SLC16A3: variants seen among roughly 807,000 people sequenced by gnomAD.
SLC16A3 encodes the protein solute carrier family 16 member 3, also known as monocarboxylate transporter 4.
A neutral mutation model predicts 25.0 loss-of-function variants in SLC16A3; 22 were observed. The observed-to-expected ratio is 0.88, with a 90% confidence interval of 0.63 to 1.26. SLC16A3 has a LOEUF of 1.26. SLC16A3 is among the 50% of genes most tolerant of loss of function. The pLI is 0.00. For missense variants in SLC16A3, 731 were observed against 666.6 expected (o/e 1.10, Z -1.06); for synonymous variants, 390 against 309.2 (o/e 1.26, Z -2.74).
In SLC16A3 at chr17:82,237,503, C is replaced by T; in HGVS notation, c.733C>T (p.Pro245Ser). ...ASVMVLGLFVPPVFVVSYAKD... is the reference protein window; with the variant it reads ...ASVMVLGLFVSPVFVVSYAKD... ...GGTCATGGTGCTGGGGCTCTTCGTC[C>T]CGCCCGTGTTCGTGGTGAGCTACGC... The change falls in exon 4 of 5, where the codon CCG becomes TCG. Residue 245 changes from proline to serine, a missense_variant. Pro to Ser is a moderately conservative substitution (Grantham distance 74). Transcript: ENST00000582743. The T allele has an allele frequency of 6.2e-7, 1 of 1,611,442 alleles. No individual in the cohort carries two copies. The highest frequency in any genetic ancestry group is 8.5e-7 in the Non-Finnish European group (1 of 1,179,606).
chr17:82,233,275 T>C (rs2050529638), intron 1 of SLC16A3, among the ~76,000 whole-genome samples: 1 of 152,180 alleles, frequency 6.6e-6, no homozygotes, highest in South Asian at 2.1e-4. Context: ...GGACAGACGA[T>C]GGTGCCAGGT....
upstream of SLC16A3, among the ~76,000 whole-genome samples, chr17:82,224,370 G>A (rs1299250231): frequency 1.7e-5 from 2 of 114,688 alleles, no homozygotes; most frequent in Non-Finnish European, 3.5e-5. Context: ...CCCTACACCC[G>A]TGCAGTCACC....
chr17:82,224,143 T>C (rs1221050820), upstream of SLC16A3, among the ~76,000 whole-genome samples: 1 of 100,092 alleles, frequency 1.0e-5, no homozygotes, highest in East Asian at 2.9e-4. Context: ...CACAGACACC[T>C]GTGCAGACAC....
rs2050594241 is a variant in SLC16A3, at chr17:82,236,109, TCTC to T, written c.104_106del (p.Ser35del). 6.2e-7 allele frequency: 1 copy of T among 1,613,154 alleles called. No individual in the cohort carries two copies. The highest frequency in any genetic ancestry group is 8.5e-7 in the Non-Finnish European group (1 of 1,179,950). Reference sequence around the variant, plus strand: ...TTCGGCTGTTTCGTCATCACTGGCTTCTCCTACGCCTTCCCCAAGGCCGTCAGT... The same window carrying T: ...TTCGGCTGTTTCGTCATCACTGGCTTCTACGCCTTCCCCAAGGCCGTCAGT... On this transcript the variant is annotated inframe_deletion, in exon 2 of 5. Coordinates refer to ENST00000582743, the MANE Select transcript of SLC16A3 (RefSeq NM_004207.4).
At chr17:82,231,568 C>T (rs1599553693) in intron 1 of SLC16A3, 1 of 152,436 alleles carries the variant, frequency 6.6e-6, no homozygotes, top group East Asian at 1.9e-4. Context: ...AGCTCCGGCC[C>T]CCACCACCTC....
At chr17:82,221,459 T>C (rs2050388421) in intron 1 of SLC16A3, among the ~76,000 whole-genome samples, 1 of 151,734 alleles carries the variant, frequency 6.6e-6, no homozygotes, top group Admixed American at 6.6e-5. Flanking sequence ...CCCAGCTACT[T>C]GGGAGGCTGA....
In SLC16A3 at chr17:82,239,080, C is replaced by G. The variant is rs1355381098; in HGVS notation, c.*104C>G. 8.6e-7 allele frequency: 1 copy of G among 1,159,622 alleles called. No individual in the cohort carries two copies. Among genetic ancestry groups the G allele is most frequent in the African/African-American group, 1.5e-5 (1 of 64,580 alleles). The allele number at this position is 1,159,622 out of a possible 1,614,324, so 71.8% of individuals were successfully genotyped here. ...TGGCTCAGGCAGGGCCACGGCTGGG[C>G]TCCAGCTGCCGGCCCAGCGGATCGT... On this transcript the variant is annotated 3_prime_UTR_variant, in exon 5 of 5. Transcript: ENST00000582743.
rs2050590484 is a variant in SLC16A3 at position 82,236,012 on chromosome 17, G to T, written c.4G>T (p.Gly2Ter). The T allele has an allele frequency of 6.2e-7, 1 of 1,610,964 alleles. No individual in the cohort carries two copies. Among genetic ancestry groups the T allele is most frequent in the Non-Finnish European group, 8.5e-7 (1 of 1,179,384 alleles). M[G>*]GAVVDEGPTG... ...GGCGGAACCAACCCTCCTGGCCATG[G>T]GAGGGGCCGTGGTGGACGAGGGCCC... is the stretch of plus-strand genomic sequence containing the variant. Residue 2 changes from glycine (G) to a stop codon, truncating the protein, a stop_gained, in exon 2 of 5, where the codon GGA (glycine) becomes TGA (stop). Transcript: ENST00000582743. LOFTEE classifies it high-confidence loss of function.
chr17:82,223,129 T>C (rs1431934470), intron 1 of SLC16A3, among the ~76,000 whole-genome samples: 1 of 152,232 alleles, frequency 6.6e-6, no homozygotes, highest in Non-Finnish European at 1.5e-5. Flanking sequence ...GCTGCTGAGC[T>C]GCCCTCTACC....
chr17:82,237,004 C>A, intron 3 of SLC16A3, 132 bp downstream of exon 3: 1 of 1,462,828 alleles, frequency 6.8e-7, no homozygotes, highest in Non-Finnish European at 9.2e-7. Flanking sequence ...CCTCGTTGTC[C>A]CCCTCTCGAG....
chr17:82,223,295 G>T (rs1360234086), intron 1 of SLC16A3, among the ~76,000 whole-genome samples: 2 of 152,088 alleles, frequency 1.3e-5, no homozygotes, highest in African/African-American at 4.8e-5. Flanking sequence ...CAATTTTCCT[G>T]CCTCAGTCTC....
rs1020499587 is a variant in SLC16A3, at chr17:82,238,797, T to C, written c.1219T>C (p.Phe407Leu). The C allele has an allele frequency of 2.5e-6, 4 of 1,612,578 alleles. No homozygotes were observed. In the Admixed American group the frequency reaches 6.7e-5, roughly 27 times the overall value. ...CTCCCTGATTTTGCTGCTGGGCAAC[T>C]TCTTCTGCATTAGGAAGAAGCCCAA... is the stretch of plus-strand genomic sequence containing the variant. ...TSSLILLLGN[F>L]FCIRKKPKEP... Residue 407 changes from phenylalanine (F) to leucine (L), a missense_variant, in exon 5 of 5, where the codon TTC becomes CTC. By Grantham distance (22) the Phe-to-Leu change is conservative (BLOSUM62 0). Coordinates refer to ENST00000582743, the MANE Select transcript of SLC16A3 (RefSeq NM_004207.4).
Position 82,238,689 on chromosome 17 carries a change from G to C in SLC16A3, c.1124-13G>C, listed in dbSNP as rs929753815. 8.7e-6 allele frequency: 14 copies of C among 1,602,900 alleles called. No homozygotes were observed. Among genetic ancestry groups the C allele is most frequent in the East Asian group, 2.2e-5 (1 of 44,596 alleles). On this transcript the variant is annotated splice_polypyrimidine_tract_variant and intron_variant, in intron 4 of 4. Coordinates refer to ENST00000582743, the MANE Select transcript of SLC16A3 (RefSeq NM_004207.4). ...CCGCATGAGCGGCTGGGACTGACGG[G>C]GTCTTCCCGCAGGCAAACTCCTGGA... is the stretch of plus-strand genomic sequence containing the variant.
chr17:82,230,349 A>G (rs2050474387), intron 1 of SLC16A3: 1 of 152,328 alleles, frequency 6.6e-6, no homozygotes, highest in Non-Finnish European at 1.5e-5. Flanking sequence ...TGGTGTGGAC[A>G]GAGTCTGGGG....
chr17:82,227,655 G>GCGCGGGAGCACCACCCGCCCTGGC (rs1231490184), upstream of SLC16A3, among the ~76,000 whole-genome samples: 4 of 23,068 alleles, frequency 1.7e-4, no homozygotes, highest in African/African-American at 3.6e-4. Context: ...ACCTGCCCTG[G>GCGCGGGAGCACCACCCGCCCTGGC]GCGGGAGCAC....
chr17:82,238,236 G>T (rs945262687), intron 4 of SLC16A3, among the ~76,000 whole-genome samples: 7 of 152,228 alleles, frequency 4.6e-5, no homozygotes, highest in South Asian at 2.1e-4. Flanking sequence ...TTTGAAGGAT[G>T]ACTGAGCTAA....
intron 1 of SLC16A3, among the ~76,000 whole-genome samples, chr17:82,219,803 C>T (rs1387803823): frequency 6.6e-6 from 1 of 152,146 alleles, no homozygotes; most frequent in Non-Finnish European, 1.5e-5. Flanking sequence ...CCCACCCAGC[C>T]TTGAGTTCCA....
Position 82,239,956 on chromosome 17 carries a change from G to C in SLC16A3, c.*980G>C. ...AGTGGCCTGCGTGGCTGGGAGCCCG[G>C]TCAGAGGCCGCCGGGGCCCTCAGTA... On this transcript the variant is annotated 3_prime_UTR_variant, in exon 5 of 5. Coordinates refer to ENST00000582743, the MANE Select transcript of SLC16A3 (RefSeq NM_004207.4). 2.4e-6 allele frequency: 3 copies of C among 1,229,486 alleles called. No individual in the cohort carries two copies. The highest frequency in any genetic ancestry group is 3.0e-6 in the Non-Finnish European group (3 of 984,064). The allele number at this position is 1,229,486 out of a possible 1,614,324, so 76.2% of individuals were successfully genotyped here. A position where few individuals can be genotyped will look rare whatever the true frequency, so the allele number is the denominator to read the frequency against.
At chr17:82,222,995 G>T (rs978376155) in intron 1 of SLC16A3, among the ~76,000 whole-genome samples, 1 of 152,090 alleles carries the variant, frequency 6.6e-6, no homozygotes, top group Admixed American at 6.6e-5. Context: ...CCGGGGAAGG[G>T]GGGGTGCTGT....
Sources: gnomAD v4.1 joint callset for allele counts (sites outside exome capture counted in the v4.1 genomes callset) on GRCh38, gnomAD v4.1.1 for gene constraint, MANE v1.5 for transcripts, NCBI Gene and HGNC (gene_info 2026-07-23, HGNC 2026-07-21) for gene names.